Variants in DLG2 observed in about 807,000 individuals in gnomAD.
The protein encoded by DLG2 is disks large homolog 2.
In DLG2, 45 loss-of-function variants were observed where a neutral mutation model predicts 132.5. The ratio of observed to expected loss-of-function variants is 0.34; its 90% confidence interval spans 0.27 to 0.44. The LOEUF (loss-of-function observed/expected upper bound fraction) is 0.44. Ranked by LOEUF, DLG2 falls within the 20% of genes least tolerant of loss-of-function variation. The pLI is 1.00. For synonymous variants in DLG2, 424 were observed against 419.6 expected, an observed-to-expected ratio of 1.01 and a Z score of -0.13; for missense variants, 1,045 against 1,196.9, an observed-to-expected ratio of 0.87 and a Z score of 1.87.
intron 7 of DLG2, among the ~76,000 whole-genome samples, chr11:84,330,495 T>C (rs537063045): frequency 6.6e-6 from 1 of 152,346 alleles, no homozygotes; most frequent in East Asian, 1.9e-4. Flanking sequence ...GGTCACAGCA[T>C]TAGCAGGAGT....
chr11:83,955,610 C>G (rs113927508), intron 14 of DLG2, among the ~76,000 whole-genome samples: 1 of 152,166 alleles, frequency 6.6e-6, no homozygotes, highest in Non-Finnish European at 1.5e-5. Context: ...CCAAAACTAC[C>G]TATGGCCTGT....
chr11:85,450,551 A>T (rs542904120), intron 3 of DLG2, among the ~76,000 whole-genome samples: 1 of 152,284 alleles, frequency 6.6e-6, no homozygotes, highest in African/African-American at 2.4e-5. Flanking sequence ...CTCACTTAGG[A>T]ATTTTAAAAT....
intron 7 of DLG2, among the ~76,000 whole-genome samples, chr11:84,372,202 T>A (rs2098709428): frequency 6.6e-6 from 1 of 152,196 alleles, no homozygotes; most frequent in Admixed American, 6.6e-5. Flanking sequence ...AATTAGAATT[T>A]TTAAAATTCA....
chr11:84,149,071 T>C (rs1433222572), intron 9 of DLG2, among the ~76,000 whole-genome samples: 3 of 152,170 alleles, frequency 2.0e-5, no homozygotes, highest in African/African-American at 7.2e-5. Flanking sequence ...GAGTTATTTG[T>C]CTTTTGGCCT....
At chr11:84,914,393 G>A (rs1023200481) in intron 6 of DLG2, among the ~76,000 whole-genome samples, 21 of 152,280 alleles carry the variant, frequency 1.4e-4, no homozygotes, top group South Asian at 4.1e-4. Flanking sequence ...TCACTTCATC[G>A]TGGGGAGTTT....
chr11:84,293,671 C>T (rs1162208101), intron 7 of DLG2, among the ~76,000 whole-genome samples: 5 of 151,866 alleles, frequency 3.3e-5, no homozygotes, highest in African/African-American at 7.3e-5. Context: ...AGTGAGACTC[C>T]GTCTCAAAAA....
chr11:84,743,710 CAAGA>C (rs1261475987), intron 6 of DLG2, among the ~76,000 whole-genome samples: 1 of 151,620 alleles, frequency 6.6e-6, no homozygotes, highest in Non-Finnish European at 1.5e-5. Context: ...TGACATGCGC[CAAGA>C]AAGTCTAACA....
chr11:85,315,160 C>T (rs2080572967), intron 3 of DLG2, among the ~76,000 whole-genome samples: 1 of 151,960 alleles, frequency 6.6e-6, no homozygotes, highest in Non-Finnish European at 1.5e-5. Flanking sequence ...AGTAACAGCA[C>T]CAGCACCAAA....
intron 6 of DLG2, among the ~76,000 whole-genome samples, chr11:84,603,266 C>G (rs534123070): frequency 1.1e-4 from 17 of 152,040 alleles, no homozygotes; most frequent in Non-Finnish European, 1.9e-4. Context: ...TTATTTATAT[C>G]TCTATGCACC....
At chr11:84,376,676 C>T (rs1240721004) in intron 7 of DLG2, among the ~76,000 whole-genome samples, 1 of 151,464 alleles carries the variant, frequency 6.6e-6, no homozygotes, top group Non-Finnish European at 1.5e-5. Flanking sequence ...CACCTTGAAG[C>T]TTCACATTAT....
intron 6 of DLG2, among the ~76,000 whole-genome samples, chr11:84,622,036 C>T (rs573255407): frequency 3.3e-5 from 5 of 152,176 alleles, no homozygotes; most frequent in African/African-American, 4.8e-5. Flanking sequence ...TAAAAAGTTG[C>T]GGACCGCACT....
intron 6 of DLG2, among the ~76,000 whole-genome samples, chr11:84,662,763 G>A (rs182106512): frequency 5.9e-4 from 81 of 137,302 alleles, no homozygotes; most frequent in African/African-American, 2.1e-3. Flanking sequence ...CTCCAGCCTG[G>A]TCAATAGAGC....
chr11:85,583,110 G>GTA (rs1215200503), intron 3 of DLG2, among the ~76,000 whole-genome samples: 12 of 51,632 alleles, frequency 2.3e-4, no homozygotes, highest in Non-Finnish European at 4.1e-4. Flanking sequence ...GTGTGTGTGT[G>GTA]TGTGTGTGTG....
At chr11:83,570,174 T>G (rs1169593719) in intron 19 of DLG2, among the ~76,000 whole-genome samples, 3 of 152,174 alleles carry the variant, frequency 2.0e-5, no homozygotes, top group African/African-American at 7.2e-5. Flanking sequence ...ACCTTAAACA[T>G]GTACCCCCTC....
chr11:83,797,127 G>A (rs1401688766), intron 17 of DLG2, among the ~76,000 whole-genome samples: 15 of 152,052 alleles, frequency 9.9e-5, no homozygotes, highest in African/African-American at 3.6e-4. Flanking sequence ...GGCTGGAGGT[G>A]AGAGAGGGCC....
chr11:84,348,565 G>T (rs7942296), intron 7 of DLG2, among the ~76,000 whole-genome samples: 55,136 of 152,028 alleles, frequency 0.36, 14,098 homozygotes, highest in African/African-American at 0.73. Context: ...GCTATGACAG[G>T]GGATTCTAAT....
chr11:83,476,721 G>T (rs1403725521), intron 22 of DLG2, among the ~76,000 whole-genome samples: 1 of 152,012 alleles, frequency 6.6e-6, no homozygotes, highest in Non-Finnish European at 1.5e-5. Flanking sequence ...AAAATGAATG[G>T]GATTCAGAAT....
chr11:84,169,398 G>C (rs2095758975), intron 8 of DLG2, among the ~76,000 whole-genome samples: 1 of 152,112 alleles, frequency 6.6e-6, no homozygotes, highest in Non-Finnish European at 1.5e-5. Context: ...ATCAAATACT[G>C]AATGTTTGCT....
chr11:85,042,324 G>A (rs1332914694), intron 6 of DLG2, among the ~76,000 whole-genome samples: 1 of 151,876 alleles, frequency 6.6e-6, no homozygotes, highest in African/African-American at 2.4e-5. Context: ...ATGAAGCCCT[G>A]GGAACTTCAA....
Sources: gnomAD v4.1 joint callset for allele counts (sites outside exome capture counted in the v4.1 genomes callset) on GRCh38, gnomAD v4.1.1 for gene constraint, MANE v1.5 for transcripts, NCBI Gene and HGNC (gene_info 2026-07-23, HGNC 2026-07-21) for gene names.